TNRC6A: variants seen among roughly 807,000 people sequenced by gnomAD.
TNRC6A encodes the protein trinucleotide repeat containing adaptor 6A, also known as trinucleotide repeat-containing gene 6A protein.
TNRC6A carries 44 observed loss-of-function variants against 221.2 expected under a neutral mutation model. That is an observed-to-expected ratio of 0.20 (90% CI 0.16 to 0.26). The LOEUF is 0.26. TNRC6A is among the 10% of genes least tolerant of loss of function. TNRC6A has a pLI of 1.00. For missense variants in TNRC6A, 2,199 were observed against 2,404.4 expected (o/e 0.91, Z 1.79); for synonymous variants, 847 against 838.5 (o/e 1.01, Z -0.18).
chr16:24,819,708 C>CGGTGGTCGCCGTATCATTAAAAAAT, intron 21 of TNRC6A: 1 of 214,540 alleles, frequency 4.7e-6, no homozygotes, highest in Non-Finnish European at 9.3e-6. Flanking sequence ...GTGAAGATCT[C>CGGTGGTCGCCGTATCATTAAAAAAT]CTTTGGCAGC....
intron 2 of TNRC6A, among the ~76,000 whole-genome samples, chr16:24,692,549 G>A (rs562053165): frequency 1.3e-5 from 2 of 152,052 alleles, no homozygotes; most frequent in East Asian, 1.9e-4. Flanking sequence ...CAGCCTGGGC[G>A]ACAGCGTGAA....
intron 2 of TNRC6A, chr16:24,663,319 G>C (rs111320202): frequency 4.4e-4 from 68 of 154,538 alleles, no homozygotes; most frequent in African/African-American, 1.6e-3. Flanking sequence ...TTGGGAGGTC[G>C]AGGCCGGCGG....
At chr16:24,642,401 C>A (rs1476721217) in intron 2 of TNRC6A, among the ~76,000 whole-genome samples, 1 of 152,154 alleles carries the variant, frequency 6.6e-6, no homozygotes, top group African/African-American at 2.4e-5. Flanking sequence ...AGCTGAGGTT[C>A]AAGGGACATT....
At chr16:24,674,735 C>CACAT (rs1274986521) in intron 2 of TNRC6A, among the ~76,000 whole-genome samples, 1 of 134,966 alleles carries the variant, frequency 7.4e-6, no homozygotes, top group Non-Finnish European at 1.5e-5. Context: ...CACACACACA[C>CACAT]ACATCTTTGT....
At chr16:24,638,153 C>T (rs777647778) in intron 1 of TNRC6A, among the ~76,000 whole-genome samples, 32 of 152,162 alleles carry the variant, frequency 2.1e-4, no homozygotes, top group Non-Finnish European at 4.4e-4. Flanking sequence ...CGCAGTGGCT[C>T]GCCACTATAA....
chr16:24,687,532 T>C (rs961717344), intron 2 of TNRC6A, among the ~76,000 whole-genome samples: 6 of 152,336 alleles, frequency 3.9e-5, no homozygotes, highest in Admixed American at 1.3e-4. Context: ...CTCATGCCTG[T>C]AATCCCAACA....
intron 22 of TNRC6A, among the ~76,000 whole-genome samples, chr16:24,820,845 C>CT (rs2058752720): frequency 6.6e-6 from 1 of 152,220 alleles, no homozygotes; most frequent in Non-Finnish European, 1.5e-5. Context: ...TCTATAATGA[C>CT]TAACATTGGA....
At chr16:24,666,471 C>CA (rs765727823) in intron 2 of TNRC6A, among the ~76,000 whole-genome samples, 12,162 of 83,766 alleles carry the variant, frequency 0.15, 995 homozygotes, top group African/African-American at 0.23. Context: ...GACTCCGTCT[C>CA]AAAAAAAAAA....
Position 24,805,638 on chromosome 16 carries a change from A to G in TNRC6A, c.4156A>G (p.Asn1386Asp), listed in dbSNP as rs1347881366. 6.2e-6 allele frequency: 10 copies of G among 1,614,132 alleles called. No homozygotes were observed. Among genetic ancestry groups the G allele is most frequent in the Non-Finnish European group, 8.5e-6 (10 of 1,180,046 alleles). ...TTCATTGCTGAAGTATGCACCAAAC[A>G]ACGGTGGCCTGAATCCACTCTTTGG... ...PVSLLKYAPN[N>D]GGLNPLFGPQ... Residue 1386 changes from asparagine to aspartate, a missense_variant, in exon 15 of 25, where the codon AAC (asparagine) becomes GAC (aspartate). Around this residue, in one of 8 missense-constraint regions of TNRC6A, gnomAD observed 449 missense variants for 579.7 expected, o/e 0.77. Coordinates refer to ENST00000395799, the MANE Select transcript of TNRC6A (RefSeq NM_014494.4).
intron 2 of TNRC6A, among the ~76,000 whole-genome samples, chr16:24,645,834 C>CAAAAAAAAACAA (rs1902251782): frequency 3.8e-5 from 1 of 26,624 alleles, no homozygotes; most frequent in Non-Finnish European, 7.1e-5. Flanking sequence ...CCTGTATCTA[C>CAAAAAAAAACAA]AAAAAAAAAA....
chr16:24,640,724 A>AG (rs919224691), intron 1 of TNRC6A, among the ~76,000 whole-genome samples: 20 of 150,282 alleles, frequency 1.3e-4, no homozygotes, highest in African/African-American at 4.9e-4. Context: ...AAAAAAAAAA[A>AG]GAAAGAAAAA....
chr16:24,789,399 T>C lies in TNRC6A; in HGVS notation c.757T>C (p.Cys253Arg), dbSNP rs1422065090. Reference sequence around the variant, plus strand: ...CAGTGATCCGGAGTTGGCTTCAGAATGTATGGATGCTGATTCTGCCTCCAG... The same window carrying C: ...CAGTGATCCGGAGTTGGCTTCAGAACGTATGGATGCTGATTCTGCCTCCAG... The part of the protein sequence containing the change: ...PGSDPELASE[C>R]MDADSASSSE... The change falls in exon 6 of 25, where the codon TGT (cysteine) becomes CGT (arginine). Residue 253 changes from cysteine to arginine, a missense_variant. Cys to Arg is a radical substitution (Grantham distance 180). This residue lies in a region of TNRC6A where 1,405 missense variants were observed against 1,400.2 expected (regional missense o/e 1.00). Coordinates refer to ENST00000395799, the MANE Select transcript of TNRC6A (RefSeq NM_014494.4). 4 of 1,614,214 alleles carry C rather than the reference T, an allele frequency of 2.5e-6. No homozygotes were observed. Among genetic ancestry groups the C allele is most frequent in the South Asian group, 1.1e-5 (1 of 91,084 alleles).
chr16:24,730,149 C>T, intron 1 of TNRC6A, 104 bp from the exon 2 acceptor site: 2 of 789,994 alleles, frequency 2.5e-6, no homozygotes, highest in South Asian at 3.4e-5. Flanking sequence ...CCTCCCCCAT[C>T]CGGCCCCGGC....
chr16:24,745,816 T>G (rs2056997410), intron 2 of TNRC6A, among the ~76,000 whole-genome samples: 1 of 135,080 alleles, frequency 7.4e-6, no homozygotes, highest in Admixed American at 7.6e-5. Flanking sequence ...CCCAGCTAAT[T>G]GTTAGGATAT....
At position 24,695,122 on chromosome 16, in the gene TNRC6A, A is replaced by T. The variant is rs115152199; in HGVS notation, n.402+54113A>T. Among the ~76,000 whole-genome samples, 1,334 of 152,244 alleles carry T rather than the reference A, an allele frequency of 8.8e-3. 21 individuals are homozygous for T. Among genetic ancestry groups the T allele is most frequent in the African/African-American group, 0.03 (1,256 of 41,544 alleles). The stretch of plus-strand genomic sequence containing the variant: ...TGGGCCCTGTGCTAAGTTCTTCACG[A>T]GCACCATCTCATTTAACCCCATAAT... On this transcript the variant is annotated intron_variant and non_coding_transcript_variant, in intron 2 of 2. Transcript: ENST00000566108.
At chr16:24,647,750 T>A (rs948399363) in intron 2 of TNRC6A, among the ~76,000 whole-genome samples, 9 of 152,134 alleles carry the variant, frequency 5.9e-5, no homozygotes, top group African/African-American at 1.2e-4. Context: ...TAGCTGAGAT[T>A]ACAGGCACGC....
chr16:24,823,090 G>T lies in TNRC6A; in HGVS notation c.5513+77G>T. ...AGAGCACAGCCTGACCCGGGGCAGT[G>T]CACAGGGTCCTGCGTGGGTGGCTCC... On this transcript the variant is annotated intron_variant, in intron 24 of 24. Coordinates refer to ENST00000395799, the MANE Select transcript of TNRC6A (RefSeq NM_014494.4). This position sits in a 1 kb window ranked among gnomAD's most constrained non-coding sequence, Gnocchi z 4.3. 6.3e-7 allele frequency: 1 copy of T among 1,593,834 alleles called. No homozygotes were observed. The highest frequency in any genetic ancestry group is 8.6e-7 in the Non-Finnish European group (1 of 1,166,032).
At chr16:24,807,985 C>G (rs956529920) in intron 17 of TNRC6A, among the ~76,000 whole-genome samples, 3 of 152,192 alleles carry the variant, frequency 2.0e-5, no homozygotes, top group African/African-American at 4.8e-5. Context: ...ACCACAGACT[C>G]TCACCTGGGA....
intron 2 of TNRC6A, among the ~76,000 whole-genome samples, chr16:24,656,820 T>C (rs1239927240): frequency 6.6e-6 from 1 of 152,144 alleles, no homozygotes; most frequent in Non-Finnish European, 1.5e-5. Flanking sequence ...GGCAAAATTG[T>C]TATGTTAAGT....
Sources: gnomAD v4.1 joint callset for allele counts (sites outside exome capture counted in the v4.1 genomes callset) on GRCh38, gnomAD v4.1.1 for gene constraint, gnomAD v4.1.1 regional missense constraint, Gnocchi (gnomAD v3.1) non-coding constraint, MANE v1.5 for transcripts, NCBI Gene and HGNC (gene_info 2026-07-23, HGNC 2026-07-21) for gene names.